Variants in FAM120A observed in about 807,000 individuals in gnomAD.
FAM120A encodes family with sequence similarity 120 member A, also known as constitutive coactivator of PPAR-gamma-like protein 1.
FAM120A carries 15 observed loss-of-function variants against 109.7 expected under a neutral mutation model. The ratio of observed to expected loss-of-function variants is 0.14; its 90% CI spans 0.09 to 0.21. The LOEUF (loss-of-function observed/expected upper bound fraction) is 0.21, where lower values mean the gene tolerates loss of function less well. Among genes scored for constraint, FAM120A ranks in the 10% least tolerant of loss-of-function variants. FAM120A has a pLI of 1.00. For synonymous variants in FAM120A, 493 were observed against 572.8 expected, an observed-to-expected ratio of 0.86 and a Z score of 1.99; for missense variants, 899 against 1,439.3, an observed-to-expected ratio of 0.62 and a Z score of 6.07.
Position 93,564,620 on chromosome 9 carries a change from A to T in FAM120A, c.*80A>T. 8.2e-7 allele frequency: 1 copy of T among 1,224,588 alleles called. No homozygotes were observed. The highest frequency in any genetic ancestry group is 1.1e-6 in the Non-Finnish European group (1 of 880,258). 75.9% of individuals were successfully genotyped at this position (1,224,588 alleles called of 1,614,324 possible). On this transcript the variant is annotated 3_prime_UTR_variant, in exon 18 of 18. Coordinates refer to ENST00000277165, the MANE Select transcript of FAM120A (RefSeq NM_014612.5). ...CTGGAGAGAAAGAGAGCCTGCAGTT[A>T]TGTACATTTTGTCCTTTCCGTAAGA...
At chr9:93,480,469 G>A (rs920994906) in intron 3 of FAM120A, among the ~76,000 whole-genome samples, 46 of 152,290 alleles carry the variant, frequency 3.0e-4, no homozygotes, top group African/African-American at 1.1e-3. Context: ...GGCAGCAGAT[G>A]ATACAGAGCA....
Position 93,554,146 on chromosome 9 carries a change from C to CACACACACACA in FAM120A, c.2275-2235_2275-2225dup, listed in dbSNP as rs1378468449. Reference sequence around the variant, plus strand: ...ACACACACACACACACACACACACACACACACACACACACACACACACACA... The same window carrying CACACACACACA: ...ACACACACACACACACACACACACACACACACACACAACACACACACACACACACACACACA... On this transcript the variant is annotated intron_variant, in intron 12 of 17. Transcript: ENST00000277165. Among the ~76,000 whole-genome samples, 8 of 148,580 alleles carry CACACACACACA rather than the reference C, an allele frequency of 5.4e-5. No homozygotes were observed. The East Asian group carries it at 1.4e-3, about 26-fold the overall frequency.
At chr9:93,474,658 A>T (rs1858469977) in intron 2 of FAM120A, among the ~76,000 whole-genome samples, 2 of 151,640 alleles carry the variant, frequency 1.3e-5, no homozygotes, top group South Asian at 4.2e-4. Flanking sequence ...CAGTGGCATG[A>T]TCTCGCCTCA....
rs552157169 is a variant in FAM120A, at chr9:93,541,126, T to C, written c.1910-2096T>C. 3.9e-5 allele frequency among the ~76,000 whole-genome samples: 6 copies of C among 151,992 alleles called. No homozygotes were observed. The South Asian group carries it at 6.2e-4, about 16-fold the overall frequency. On this transcript the variant is annotated intron_variant, in intron 10 of 17. Transcript: ENST00000277165. Reference sequence around the variant, plus strand: ...GTTGGGGGATATGTTGTGTGAAATATGTGATGTGTGCATGGTATGAAATGT... The same window carrying C: ...GTTGGGGGATATGTTGTGTGAAATACGTGATGTGTGCATGGTATGAAATGT...
intron 15 of FAM120A, 56 bp from the exon 16 acceptor site, chr9:93,561,053 C>A: frequency 6.4e-7 from 1 of 1,570,348 alleles, no homozygotes; most frequent in Non-Finnish European, 8.7e-7. Flanking sequence ...TATCTTTTTG[C>A]TATTCTTAAT....
At chr9:93,459,426 C>T (rs1857691481) in intron 1 of FAM120A, among the ~76,000 whole-genome samples, 1 of 151,990 alleles carries the variant, frequency 6.6e-6, no homozygotes, top group Non-Finnish European at 1.5e-5. Context: ...TTTTTTTAAT[C>T]TTAAATTTCT....
chr9:93,484,586 T>A (rs1012370804), intron 3 of FAM120A, among the ~76,000 whole-genome samples: 1 of 152,142 alleles, frequency 6.6e-6, no homozygotes, highest in African/African-American at 2.4e-5. Context: ...TTATTATTAT[T>A]ATTTTAAGAC....
At chr9:93,465,167 T>A (rs1194549836) in intron 1 of FAM120A, among the ~76,000 whole-genome samples, 1 of 152,238 alleles carries the variant, frequency 6.6e-6, no homozygotes, top group African/African-American at 2.4e-5. Flanking sequence ...AACTGCCTTG[T>A]AAGTTATTTT....
chr9:93,538,599 G>A lies in FAM120A; in HGVS notation c.1910-4623G>A, dbSNP rs572098899. ...ATCTCTTCCTCACCTATGAACAGGC[G>A]TGCATGCATACTGCAGTTCTCTCTC... On this transcript the variant is annotated intron_variant, in intron 10 of 17. Coordinates refer to ENST00000277165, the MANE Select transcript of FAM120A (RefSeq NM_014612.5). Among the ~76,000 whole-genome samples the A allele has an allele frequency of 3.3e-5, 5 of 152,304 alleles. No individual in the cohort carries two copies. The South Asian group carries it at 8.3e-4, about 25-fold the overall frequency.
chr9:93,553,953 A>C (rs545064943), intron 12 of FAM120A, among the ~76,000 whole-genome samples: 7 of 152,182 alleles, frequency 4.6e-5, no homozygotes, highest in Non-Finnish European at 1.0e-4. Context: ...AAAGGAAGCA[A>C]ATTTACACTG....
At position 93,498,339 on chromosome 9, in the gene FAM120A, G is replaced by A. The variant is rs548172846; in HGVS notation, c.934-451G>A. Among the ~76,000 whole-genome samples, 2 of 152,346 alleles carry A rather than the reference G, an allele frequency of 1.3e-5. No homozygotes were observed. Among genetic ancestry groups the A allele is most frequent in the African/African-American group, 4.8e-5 (2 of 41,590 alleles). On this transcript the variant is annotated intron_variant, in intron 4 of 17. Coordinates refer to ENST00000277165, the MANE Select transcript of FAM120A (RefSeq NM_014612.5). This position sits in a 1 kb window ranked among gnomAD's most constrained non-coding sequence, Gnocchi z 4.4. ...AACCGTAAGGCAGAGGCTGCAGTGA[G>A]CGGAGATCATGCCACCGCACTCCAG...
chr9:93,536,251 A>C (rs1588892955), intron 10 of FAM120A, among the ~76,000 whole-genome samples: 2 of 152,222 alleles, frequency 1.3e-5, no homozygotes, highest in East Asian at 3.9e-4. Context: ...TAAGCCAAAG[A>C]AAGAGTCCTG....
At chr9:93,512,394 G>A (rs1860367301) in intron 5 of FAM120A, among the ~76,000 whole-genome samples, 1 of 152,196 alleles carries the variant, frequency 6.6e-6, no homozygotes, top group South Asian at 2.1e-4. Context: ...ATACAGCCGA[G>A]GGATTGCAGT....
At position 93,527,206 on chromosome 9, in the gene FAM120A, G is replaced by A; in HGVS notation, c.1470G>A (p.Glu490=). The A allele has an allele frequency of 6.2e-7, 1 of 1,614,166 alleles. No individual in the cohort carries two copies. Among genetic ancestry groups the A allele is most frequent in the Non-Finnish European group, 8.5e-7 (1 of 1,179,998 alleles). Reference sequence around the variant, plus strand: ...GGGAGAAGACGGGAAGCCACTCAGAGCCTCAGGCACGAGGAGACCCAGGAG... The same window carrying A: ...GGGAGAAGACGGGAAGCCACTCAGAACCTCAGGCACGAGGAGACCCAGGAG... ...IGWEKTGSHS[E]PQARGDPGDQ... Residue 490 remains glutamate, a synonymous_variant, in exon 8 of 18, where the codon GAG becomes GAA. Coordinates refer to ENST00000277165, the MANE Select transcript of FAM120A (RefSeq NM_014612.5).
Position 93,481,366 on chromosome 9 carries a change from T to TA in FAM120A, c.804+5035dup, listed in dbSNP as rs1435691792. Among the ~76,000 whole-genome samples the TA allele has an allele frequency of 3.3e-5, 5 of 152,336 alleles. 1 individual carries two copies. The highest frequency in any genetic ancestry group is 3.3e-4 in the Admixed American group (5 of 15,310). On this transcript the variant is annotated intron_variant, in intron 3 of 17. Coordinates refer to ENST00000277165, the MANE Select transcript of FAM120A (RefSeq NM_014612.5). ...TAGATGTTTGCTGGCTTTATTTTTT[T>TA]AAAAAAACATGTTTCTTGTTGCCTC...
chr9:93,476,963 A>G (rs1471212496), intron 3 of FAM120A, among the ~76,000 whole-genome samples: 1 of 152,168 alleles, frequency 6.6e-6, no homozygotes, highest in Non-Finnish European at 1.5e-5. Context: ...TGAGATATGC[A>G]CGAGGCACTG....
chr9:93,489,628 T>C (rs1197457252), intron 3 of FAM120A, among the ~76,000 whole-genome samples: 3 of 152,174 alleles, frequency 2.0e-5, no homozygotes, highest in Admixed American at 6.5e-5. Context: ...ATCTTTGGAG[T>C]GATGGTCACA....
Position 93,543,206 on chromosome 9 carries a change from C to CT in FAM120A, c.1910-8dup, listed in dbSNP as rs759668544. On this transcript the variant is annotated splice_polypyrimidine_tract_variant and intron_variant, in intron 10 of 17. Coordinates refer to ENST00000277165, the MANE Select transcript of FAM120A (RefSeq NM_014612.5). Reference sequence around the variant, plus strand: ...TGATGCATGAATGTGTCTTCTCTGGCTTTTTTTTCCTGTAGTTTCACCAGT... The same window carrying CT: ...TGATGCATGAATGTGTCTTCTCTGGCTTTTTTTTTCCTGTAGTTTCACCAGT... The CT allele has an allele frequency of 4.3e-6, 7 of 1,609,678 alleles. No homozygotes were observed. The highest frequency in any genetic ancestry group is 1.3e-5 in the African/African-American group (1 of 74,826).
intron 5 of FAM120A, among the ~76,000 whole-genome samples, chr9:93,512,736 C>T (rs1226328825): frequency 3.3e-5 from 5 of 152,310 alleles, no homozygotes; most frequent in African/African-American, 2.4e-5. Context: ...GGCCTGAATC[C>T]GCAGAGGGAG....
Sources: allele counts gnomAD v4.1 joint callset (sites outside exome capture counted in the v4.1 genomes callset), GRCh38; gene constraint gnomAD v4.1.1; non-coding constraint Gnocchi (gnomAD v3.1); transcripts MANE v1.5; gene names NCBI Gene and HGNC (gene_info 2026-07-23, HGNC 2026-07-21).